The following PVT1 variants were observed in gnomAD, a reference collection of about 807,000 sequenced individuals.
PVT1 encodes CXCR4/PVT1 fusion.
At chr8:127,947,952 T>C in intron 3 of PVT1, 1 of 456,968 alleles carries the variant, frequency 2.2e-6, no homozygotes, top group Non-Finnish European at 4.4e-6. Flanking sequence ...GTGACAGCTT[T>C]TCTGCAGAGC....
At chr8:127,853,779 C>G (rs757348551) in intron 2 of PVT1, among the ~76,000 whole-genome samples, 8 of 149,026 alleles carry the variant, frequency 5.4e-5, no homozygotes, top group Non-Finnish European at 1.0e-4. Flanking sequence ...AAACAAGAAA[C>G]AAAAACAAAA....
chr8:128,013,116 C>T (rs377689597), intron 4 of PVT1, among the ~76,000 whole-genome samples: 1 of 152,130 alleles, frequency 6.6e-6, no homozygotes, highest in South Asian at 2.1e-4. Context: ...TATGGGGGTG[C>T]CATGTGGATT....
intron 5 of PVT1, among the ~76,000 whole-genome samples, chr8:128,077,736 G>T (rs1251345781): frequency 6.6e-6 from 1 of 152,154 alleles, no homozygotes; most frequent in Non-Finnish European, 1.5e-5. Flanking sequence ...AATGCTTGCA[G>T]ATCTGGTTTG....
chr8:127,873,476 T>A (rs1270754129), intron 2 of PVT1, among the ~76,000 whole-genome samples: 1 of 152,184 alleles, frequency 6.6e-6, no homozygotes, highest in African/African-American at 2.4e-5. Flanking sequence ...TTTCACGTAT[T>A]GAGCTAGTAG....
chr8:128,087,949 G>A (rs796396366), intron 5 of PVT1, among the ~76,000 whole-genome samples: 10 of 151,768 alleles, frequency 6.6e-5, no homozygotes, highest in African/African-American at 1.9e-4. Flanking sequence ...AGCAGAGATG[G>A]GGTTTCACCA....
intron 4 of PVT1, among the ~76,000 whole-genome samples, chr8:128,003,865 A>G (rs1346639950): frequency 1.3e-5 from 2 of 152,242 alleles, no homozygotes; most frequent in Non-Finnish European, 2.9e-5. Flanking sequence ...ACAAAATATC[A>G]TAGAATAAAG....
chr8:127,831,322 G>A (rs1179086596), intron 2 of PVT1, among the ~76,000 whole-genome samples: 2 of 151,990 alleles, frequency 1.3e-5, no homozygotes, highest in East Asian at 3.9e-4. Context: ...ATGACTCCTA[G>A]GTTTTTGGCA....
At chr8:128,061,274 A>T (rs1813827485) in intron 4 of PVT1, among the ~76,000 whole-genome samples, 1 of 152,206 alleles carries the variant, frequency 6.6e-6, no homozygotes, top group Non-Finnish European at 1.5e-5. Flanking sequence ...TTTTGTGAGG[A>T]ACTTCTTCAC....
At chr8:127,857,493 T>C (rs1398336157) in intron 2 of PVT1, among the ~76,000 whole-genome samples, 1 of 151,900 alleles carries the variant, frequency 6.6e-6, no homozygotes, top group Non-Finnish European at 1.5e-5. Flanking sequence ...GACAGCATAG[T>C]GAGGTCCCAT....
At chr8:127,953,333 A>G (rs146464070) in intron 3 of PVT1, among the ~76,000 whole-genome samples, 1 of 152,292 alleles carries the variant, frequency 6.6e-6, no homozygotes, top group Non-Finnish European at 1.5e-5. Context: ...GAATGAACAG[A>G]TAGATCTTGA....
chr8:128,030,116 A>G (rs1813371626), intron 4 of PVT1, among the ~76,000 whole-genome samples: 1 of 152,136 alleles, frequency 6.6e-6, no homozygotes, highest in Non-Finnish European at 1.5e-5. Context: ...CCATCTTAAG[A>G]AAAAGAAAAA....
intron 2 of PVT1, among the ~76,000 whole-genome samples, chr8:127,800,467 C>G (rs866364803): frequency 2.0e-5 from 3 of 152,122 alleles, no homozygotes; most frequent in Admixed American, 2.0e-4. Context: ...AAAGTCTCCC[C>G]GGCCCCACTG....
chr8:127,971,752 G>A (rs1412211955), intron 3 of PVT1, among the ~76,000 whole-genome samples: 1 of 152,192 alleles, frequency 6.6e-6, no homozygotes, highest in African/African-American at 2.4e-5. Flanking sequence ...CCCACTGTGA[G>A]GTTACAGGAG....
intron 2 of PVT1, among the ~76,000 whole-genome samples, chr8:127,830,853 A>G (rs1294387989): frequency 6.6e-6 from 1 of 152,024 alleles, no homozygotes; most frequent in African/African-American, 2.4e-5. Flanking sequence ...AAAATGCAAG[A>G]CTGGCCTAGC....
intron 3 of PVT1, among the ~76,000 whole-genome samples, chr8:127,982,921 C>A (rs2129982649): frequency 6.6e-6 from 1 of 152,314 alleles, no homozygotes; most frequent in African/African-American, 2.4e-5. Flanking sequence ...ATGAGTACAT[C>A]TACAGACGAG....
intron 4 of PVT1, among the ~76,000 whole-genome samples, chr8:128,069,439 G>A (rs1022919624): frequency 6.6e-6 from 1 of 152,184 alleles, no homozygotes; most frequent in Admixed American, 6.5e-5. Flanking sequence ...ATCAGGCATG[G>A]GCACAGCGCA....
intron 4 of PVT1, among the ~76,000 whole-genome samples, chr8:128,006,022 G>T (rs1477387163): frequency 6.6e-6 from 1 of 151,538 alleles, no homozygotes; most frequent in African/African-American, 2.4e-5. Flanking sequence ...AGAATCACTT[G>T]AACCTGGGAG....
chr8:128,028,196 G>A (rs1398592632), intron 4 of PVT1, among the ~76,000 whole-genome samples: 8 of 152,254 alleles, frequency 5.3e-5, no homozygotes, highest in East Asian at 1.9e-4. Context: ...AAGCTGGCCC[G>A]AGCGCGCAAG....
chr8:127,802,582 T>G (rs1814477570), intron 2 of PVT1, among the ~76,000 whole-genome samples: 2 of 152,248 alleles, frequency 1.3e-5, no homozygotes, highest in African/African-American at 4.8e-5. Context: ...TTGGATATAT[T>G]GGGTTAAATT....
Sources: gnomAD v4.1 joint callset for allele counts (sites outside exome capture counted in the v4.1 genomes callset) on GRCh38, gnomAD v4.1.1 for gene constraint, MANE v1.5 for transcripts, NCBI Gene and HGNC (gene_info 2026-07-23, HGNC 2026-07-21) for gene names.